Variants in MTR observed in about 807,000 individuals in gnomAD.
MTR encodes methionine synthase.
MTR carries 84 observed loss-of-function variants against 154.8 expected under a neutral mutation model. The ratio of observed to expected loss-of-function variants is 0.54; its 90% CI spans 0.45 to 0.65. The LOEUF is 0.65. Among genes scored for constraint, MTR ranks in the 30% least tolerant of loss-of-function variants. The pLI is 0.00. For synonymous variants in MTR, 554 were observed against 553.9 expected (o/e 1.00, Z 0.00); for missense variants, 1,275 against 1,570.2 (o/e 0.81, Z 3.18).
chr1:236,832,105 G>T (rs758140121), intron 13 of MTR, 27 bp downstream of exon 13: 2 of 1,547,128 alleles, frequency 1.3e-6, no homozygotes, highest in Non-Finnish European at 1.8e-6. Context: ...GACCCCTGAG[G>T]CATCTGCCCA....
At position 236,863,562 on chromosome 1, in the gene MTR, A is replaced by G. The variant is rs886046221; in HGVS notation, c.2405+8A>G. ...TGGCTGCAATAATTTCCGGTAAGTT[A>G]GGACCTCACCTCTTTCAACCCCTTT... On this transcript the variant is annotated splice_region_variant and intron_variant, in intron 22 of 32. Coordinates refer to ENST00000366577, the MANE Select transcript of MTR (RefSeq NM_000254.3). 13 of 1,610,422 alleles carry G rather than the reference A, an allele frequency of 8.1e-6. No individual in the cohort carries two copies. The East Asian group carries it at 2.9e-4, about 36-fold the overall frequency.
At chr1:236,885,772 T>G (rs1665978154) in intron 26 of MTR, among the ~76,000 whole-genome samples, 1 of 152,232 alleles carries the variant, frequency 6.6e-6, no homozygotes, top group Non-Finnish European at 1.5e-5. Flanking sequence ...TTATCTGCCT[T>G]CTGGGCTTTG....
chr1:236,805,987 AC>A (rs1287584535), intron 2 of MTR, among the ~76,000 whole-genome samples, 156 bp from the exon 3 acceptor site: 2 of 152,124 alleles, frequency 1.3e-5, no homozygotes, highest in Non-Finnish European at 2.9e-5. Context: ...TGAAATCCTT[AC>A]ACCTTTTTGC....
chr1:236,848,314 C>T (rs984853859), intron 15 of MTR, among the ~76,000 whole-genome samples: 5 of 152,082 alleles, frequency 3.3e-5, no homozygotes, highest in Admixed American at 3.3e-4. Context: ...ATATTCATGG[C>T]TCAGATGAGG....
intron 22 of MTR, among the ~76,000 whole-genome samples, chr1:236,864,840 A>G (rs760547876): frequency 3.3e-5 from 5 of 151,824 alleles, no homozygotes; most frequent in Non-Finnish European, 4.4e-5. Flanking sequence ...AGAGACACCA[A>G]AATGATTTAG....
chr1:236,848,731 C>T (rs1038053656), intron 15 of MTR, among the ~76,000 whole-genome samples: 2 of 152,126 alleles, frequency 1.3e-5, no homozygotes, highest in Non-Finnish European at 2.9e-5. Flanking sequence ...CCTGGAGGCA[C>T]TTCCCTCCCA....
chr1:236,861,298 A>AATTCCCT (rs1192117907), intron 20 of MTR, 21 bp downstream of exon 20: 1 of 1,613,486 alleles, frequency 6.2e-7, no homozygotes, highest in African/African-American at 1.3e-5. Context: ...TATGGGGAGA[A>AATTCCCT]ATTTTCACAG....
At chr1:236,803,990 T>C (rs139615584) in intron 2 of MTR, among the ~76,000 whole-genome samples, 1 of 152,328 alleles carries the variant, frequency 6.6e-6, no homozygotes, top group Non-Finnish European at 1.5e-5. Context: ...GGTTGGTATC[T>C]TAGCTTTGGC....
At chr1:236,856,180 C>G (rs1223670851) in intron 18 of MTR, among the ~76,000 whole-genome samples, 1 of 152,108 alleles carries the variant, frequency 6.6e-6, no homozygotes, top group Non-Finnish European at 1.5e-5. Flanking sequence ...TGTGAACACA[C>G]CAGTTCCTTT....
At chr1:236,897,308 A>ATGCGTGCGCG (rs57608445) in intron 32 of MTR, among the ~76,000 whole-genome samples, 190 bp downstream of exon 32, 2 of 131,456 alleles carry the variant, frequency 1.5e-5, no homozygotes, top group African/African-American at 6.0e-5. Flanking sequence ...AGCCACACAC[A>ATGCGTGCGCG]CGCACACACA....
intron 14 of MTR, among the ~76,000 whole-genome samples, chr1:236,836,579 G>C (rs1422375992): frequency 6.6e-6 from 1 of 152,142 alleles, no homozygotes; most frequent in Non-Finnish European, 1.5e-5. Context: ...AAACTTCCTA[G>C]TGCTCTAAGA....
chr1:236,856,094 C>G (rs1162506155), intron 18 of MTR, among the ~76,000 whole-genome samples: 1 of 152,208 alleles, frequency 6.6e-6, no homozygotes, highest in Non-Finnish European at 1.5e-5. Flanking sequence ...TTTGTAGCCT[C>G]TTTTGCCTCT....
At chr1:236,859,688 T>TA in intron 18 of MTR, 145 bp from the exon 19 acceptor site, 1 of 683,602 alleles carries the variant, frequency 1.5e-6, no homozygotes. Context: ...ATTGAGATCT[T>TA]ATTTTATGCT....
At chr1:236,860,198 T>C in intron 19 of MTR, among the ~76,000 whole-genome samples, 1 of 151,254 alleles carries the variant, frequency 6.6e-6, no homozygotes, top group Admixed American at 6.6e-5. Context: ...CATCCTGCAG[T>C]GCCCAGGACA....
rs1024999656 is a variant in MTR, at chr1:236,891,457, G to A, written c.3204+128G>A. ...AAATGACCAATCACATGCCCAAGAA[G>A]TGACCAGTCACACGCCCAAGCCCAA... On this transcript the variant is annotated intron_variant, in intron 29 of 32. Coordinates refer to ENST00000366577, the MANE Select transcript of MTR (RefSeq NM_000254.3). 4.3e-5 allele frequency: 44 copies of A among 1,016,878 alleles called. No homozygotes were observed. In the Admixed American group the frequency reaches 7.9e-4, roughly 18 times the overall value. The allele number at this position is 1,016,878 out of a possible 1,614,324, so 63.0% of individuals were successfully genotyped here.
intron 13 of MTR, among the ~76,000 whole-genome samples, chr1:236,834,116 A>T (rs1662769601): frequency 6.6e-6 from 1 of 152,078 alleles, no homozygotes; most frequent in African/African-American, 2.4e-5. Flanking sequence ...ACTTCTTTTT[A>T]TTCTTTATAT....
intron 28 of MTR, among the ~76,000 whole-genome samples, 182 bp from the exon 29 acceptor site, chr1:236,890,951 G>C (rs1382077028): frequency 6.6e-6 from 1 of 152,172 alleles, no homozygotes; most frequent in Non-Finnish European, 1.5e-5. Flanking sequence ...AGCAGGAGCC[G>C]CAAAGCCCTG....
At chr1:236,828,046 C>G (rs1055290740) in intron 11 of MTR, among the ~76,000 whole-genome samples, 1 of 152,042 alleles carries the variant, frequency 6.6e-6, no homozygotes, top group African/African-American at 2.4e-5. Context: ...GGTGCGATCT[C>G]GGCTCACTGC....
chr1:236,848,173 ATTCCTGTCC>A, intron 15 of MTR, among the ~76,000 whole-genome samples: 1 of 152,240 alleles, frequency 6.6e-6, no homozygotes, highest in South Asian at 2.1e-4. Flanking sequence ...CTAGAAATGA[ATTCCTGTCC>A]TGTGAGGATG....
Sources: gnomAD v4.1 joint callset for allele counts (sites outside exome capture counted in the v4.1 genomes callset) on GRCh38, gnomAD v4.1.1 for gene constraint, MANE v1.5 for transcripts, NCBI Gene and HGNC (gene_info 2026-07-23, HGNC 2026-07-21) for gene names.